Variants in OR2T1 observed in about 807,000 individuals in gnomAD.
OR2T1 encodes olfactory receptor family 2 subfamily T member 1.
For synonymous variants in OR2T1, 186 were observed against 145.4 expected, an observed-to-expected ratio of 1.28 and a Z score of -2.01; for missense variants, 440 against 390.2, an observed-to-expected ratio of 1.13 and a Z score of -1.07.
At position 248,406,728 on chromosome 1, in the gene OR2T1, A is replaced by G. The variant is rs1661568729; in HGVS notation, c.581A>G (p.Tyr194Cys). 6.2e-7 allele frequency: 1 copy of G among 1,614,082 alleles called. No individual in the cohort carries two copies. The highest frequency in any genetic ancestry group is 8.5e-7 in the Non-Finnish European group (1 of 1,179,978). Residue 194 changes from tyrosine to cysteine, a missense_variant, in exon 2 of 2, where the codon TAC (tyrosine) becomes TGC (cysteine). Physicochemically the swap from Tyr to Cys is radical, Grantham distance 194 (BLOSUM62 -2). Transcript: ENST00000642005. ...LKLACADTAL[Y>C]ETVMYVCCVL... ...TTGGCATGTGCAGACACAGCCCTCT[A>G]CGAGACAGTGATGTATGTGTGCTGT...
chr1:248,405,359 C>G lies in OR2T1; in HGVS notation c.-33-756C>G, dbSNP rs541554282. Among the ~76,000 whole-genome samples the G allele has an allele frequency of 1.2e-4, 19 of 152,230 alleles. No individual in the cohort carries two copies. The South Asian group carries it at 3.9e-3, about 32-fold the overall frequency. On this transcript the variant is annotated intron_variant, in intron 1 of 1. Transcript: ENST00000642005. ...GTGAATTATAGCTCAATGTTTACGT[C>G]CCTGTGGTATTTCCTCTGAATATTA...
rs760595430 is a variant in OR2T1, at chr1:248,406,679, T to C, written c.532T>C (p.Cys178Arg). The change falls in exon 2 of 2, where the codon TGT (cysteine) becomes CGT (arginine). Residue 178 changes from cysteine to arginine, a missense_variant. Cys to Arg is a radical substitution (Grantham distance 180, BLOSUM62 -3). Transcript: ENST00000642005. The stretch of plus-strand genomic sequence containing the variant: ...TTCCCGGGAGATTAACCACTTCTTC[T>C]GTGAGGCACCAGCAGTCCTGAAGTT... ...CNSREINHFF[C>R]EAPAVLKLAC... is the part of the protein sequence containing the mutation. 1 of 1,614,008 alleles carries C rather than the reference T, an allele frequency of 6.2e-7. No individual in the cohort carries two copies. The highest frequency in any genetic ancestry group is 8.5e-7 in the Non-Finnish European group (1 of 1,180,002).
Position 248,407,671 on chromosome 1 carries a change from T to C in OR2T1, c.*567T>C, listed in dbSNP as rs756285765. ...CCAAAAGGAGAGGACAGAAAACTTC[T>C]GGACAGCTAAACTCATGAAGCTGAA... On this transcript the variant is annotated 3_prime_UTR_variant, in exon 2 of 2. Transcript: ENST00000642005. 6.6e-6 allele frequency: 1 copy of C among 152,392 alleles called. No individual in the cohort carries two copies. Among genetic ancestry groups the C allele is most frequent in the Admixed American group, 6.5e-5 (1 of 15,282 alleles). The allele number at this position is 152,392 out of a possible 1,614,324, so 9.4% of individuals were successfully genotyped here. A position where few individuals can be genotyped will look rare whatever the true frequency, so the allele number is the denominator to read the frequency against.
Position 248,406,897 on chromosome 1 carries a change from C to T in OR2T1, c.750C>T (p.Phe250=), listed in dbSNP as rs1661573877. 1.1e-5 allele frequency: 18 copies of T among 1,613,938 alleles called. No individual in the cohort carries two copies. The highest frequency in any genetic ancestry group is 1.7e-5 in the Admixed American group (1 of 59,996). The part of the protein sequence containing the change: ...CSSHMTVVSL[F]YGAAMYTYML... ...CCCACATGACTGTGGTGTCCTTGTT[C>T]TACGGGGCTGCCATGTACACCTACA... The change falls in exon 2 of 2, where the codon TTC becomes TTT. Residue 250 remains phenylalanine (F), a synonymous_variant. Transcript: ENST00000642005.
Position 248,407,812 on chromosome 1 carries a change from G to GT in OR2T1, c.*711dup, listed in dbSNP as rs1661602143. 1 of 152,226 alleles carries GT rather than the reference G, an allele frequency of 6.6e-6. No homozygotes were observed. The highest frequency in any genetic ancestry group is 2.4e-5 in the African/African-American group (1 of 41,442). The allele number at this position is 152,226 out of a possible 1,614,324, so 9.4% of individuals were successfully genotyped here. ...ACCCTCTGTGTCTTTTCATCTGACT[G>GT]TTTCTGTGTATCCTTTGTAATATCA... is the stretch of plus-strand genomic sequence containing the variant. On this transcript the variant is annotated 3_prime_UTR_variant, in exon 2 of 2. Transcript: ENST00000642005.
At position 248,407,113 on chromosome 1, in the gene OR2T1, T is replaced by G. The variant is rs778679352; in HGVS notation, c.*9T>G. 5 of 1,558,176 alleles carry G rather than the reference T, an allele frequency of 3.2e-6. No homozygotes were observed. Among genetic ancestry groups the G allele is most frequent in the Non-Finnish European group, 8.7e-7 (1 of 1,154,586 alleles). On this transcript the variant is annotated 3_prime_UTR_variant, in exon 2 of 2. Transcript: ENST00000642005. ...CAGGAGGTGTCTTTTGACAGTCGAC[T>G]CCTTCCCATGCATATGGTAAATGGG...
chr1:248,407,172 A>T lies in OR2T1; in HGVS notation c.*68A>T, dbSNP rs911999860. On this transcript the variant is annotated 3_prime_UTR_variant, in exon 2 of 2. Coordinates refer to ENST00000642005, the MANE Select transcript of OR2T1 (RefSeq NM_030904.2). ...TGGTCACTGTGGCTGTGCTTTCATC[A>T]AAAGATGAAGCAAAAAGGGAGGGAG... 57 of 1,446,198 alleles carry T rather than the reference A, an allele frequency of 3.9e-5. No individual in the cohort carries two copies. The highest frequency in any genetic ancestry group is 5.1e-5 in the Non-Finnish European group (55 of 1,073,018). 89.6% of individuals were successfully genotyped at this position (1,446,198 alleles called of 1,614,324 possible). A position where few individuals can be genotyped will look rare whatever the true frequency, so the allele number is the denominator to read the frequency against.
At chr1:248,404,477 A>G (rs966742679) in intron 1 of OR2T1, among the ~76,000 whole-genome samples, 3 of 150,656 alleles carry the variant, frequency 2.0e-5, no homozygotes, top group South Asian at 2.1e-4. Flanking sequence ...AGTAATGATG[A>G]CATTGTACAT....
intron 1 of OR2T1, 24 bp from the exon 2 acceptor site, chr1:248,406,091 G>A: frequency 2.5e-6 from 4 of 1,613,970 alleles, no homozygotes; most frequent in Non-Finnish European, 3.4e-6. Flanking sequence ...ACTGCCCTGG[G>A]AATGCTATCA....
At position 248,403,106 on chromosome 1, in the gene OR2T1, G is replaced by A. The variant is rs189781186; in HGVS notation, c.-173G>A. 7.9e-5 allele frequency: 12 copies of A among 152,180 alleles called. No homozygotes were observed. Among genetic ancestry groups the A allele is most frequent in the Admixed American group, 4.6e-4 (7 of 15,252 alleles). 9.4% of individuals were successfully genotyped at this position (152,180 alleles called of 1,614,324 possible). On this transcript the variant is annotated 5_prime_UTR_variant, in exon 1 of 2. It removes an upstream start codon present in the reference 5' UTR. Transcript: ENST00000642005. ...GATGTTCTGCAAGCTTAATTGAAATGCACAGTTTTTTCTGAGAATTTCTAC... is the reference window on the plus strand; with the variant it reads ...GATGTTCTGCAAGCTTAATTGAAATACACAGTTTTTTCTGAGAATTTCTAC...
At position 248,404,546 on chromosome 1, in the gene OR2T1, T is replaced by TTATATATATATATATATATATATA. The variant is rs1224274738; in HGVS notation, c.-34+1315_-34+1316insTATATATATATATATATATATATA. ...ATATTCTGAATTAGCAAAATATACA[T>TTATATATATATATATATATATATA]TATATATATATATAAAATATACATA... On this transcript the variant is annotated intron_variant, in intron 1 of 1. Coordinates refer to ENST00000642005, the MANE Select transcript of OR2T1 (RefSeq NM_030904.2). Among the ~76,000 whole-genome samples the TTATATATATATATATATATATATA allele has an allele frequency of 3.9e-3, 532 of 135,012 alleles. 7 individuals carry two copies. Among genetic ancestry groups the TTATATATATATATATATATATATA allele is most frequent in the Non-Finnish European group, 5.0e-3 (307 of 61,732 alleles). The allele number at this position is 135,012 out of a possible 152,430, so 88.6% of individuals were successfully genotyped here.
Position 248,406,256 on chromosome 1 carries a change from G to T in OR2T1, c.109G>T (p.Ala37Ser), listed in dbSNP as rs368518017. 7 of 1,614,040 alleles carry T rather than the reference G, an allele frequency of 4.3e-6. No homozygotes were observed. The highest frequency in any genetic ancestry group is 1.7e-4 in the Middle Eastern group (1 of 6,060). Residue 37 changes from alanine (A) to serine (S), a missense_variant, in exon 2 of 2, where the codon GCA (alanine) becomes TCA (serine). Transcript: ENST00000642005. ...FAIISIIFFT[A>S]LMANGVMIFL... ...CATCATCTCTATCATCTTCTTCACC[G>T]CACTGATGGCCAATGGGGTTATGAT... is the stretch of plus-strand genomic sequence containing the variant.
rs1661603695 is a variant in OR2T1 at position 248,407,852 on chromosome 1, T to C, written c.*748T>C. On this transcript the variant is annotated 3_prime_UTR_variant, in exon 2 of 2. Coordinates refer to ENST00000642005, the MANE Select transcript of OR2T1 (RefSeq NM_030904.2). ...TTGTAATATCATTTATAACAAGTGG[T>C]AAACATAGGTAAGTGTTTCCTTGAA... The C allele has an allele frequency of 6.6e-6, 1 of 151,978 alleles. No homozygotes were observed. The highest frequency in any genetic ancestry group is 6.6e-5 in the Admixed American group (1 of 15,184). The allele number at this position is 151,978 out of a possible 1,614,324, so 9.4% of individuals were successfully genotyped here. A position where few individuals can be genotyped will look rare whatever the true frequency, so the allele number is the denominator to read the frequency against.
At chr1:248,406,062 A>T (rs1440625606) in intron 1 of OR2T1, 53 bp from the exon 2 acceptor site, 7 of 1,613,332 alleles carry the variant, frequency 4.3e-6, no homozygotes. Context: ...CTAACAATTA[A>T]TTCACATGTT....
intron 1 of OR2T1, among the ~76,000 whole-genome samples, chr1:248,404,227 G>GC (rs1661501632): frequency 2.4e-5 from 1 of 40,818 alleles, no homozygotes; most frequent in Non-Finnish European, 6.1e-5. Context: ...ATGGGAGTAA[G>GC]GGTGAACAGA....
At chr1:248,404,769 C>T (rs186945368) in intron 1 of OR2T1, among the ~76,000 whole-genome samples, 39 of 152,050 alleles carry the variant, frequency 2.6e-4, no homozygotes, top group African/African-American at 9.2e-4. Flanking sequence ...TTGCTAATTA[C>T]AGTAAATGTC....
Position 248,407,189 on chromosome 1 carries a change from G to A in OR2T1, c.*85G>A. On this transcript the variant is annotated 3_prime_UTR_variant, in exon 2 of 2. Coordinates refer to ENST00000642005, the MANE Select transcript of OR2T1 (RefSeq NM_030904.2). The stretch of plus-strand genomic sequence containing the variant: ...CTTTCATCAAAAGATGAAGCAAAAA[G>A]GGAGGGAGTCATATGATTACAATAT... The A allele has an allele frequency of 7.6e-7, 1 of 1,321,372 alleles. No homozygotes were observed. The highest frequency in any genetic ancestry group is 1.0e-6 in the Non-Finnish European group (1 of 960,714). The allele number at this position is 1,321,372 out of a possible 1,614,324, so 81.9% of individuals were successfully genotyped here. A position where few individuals can be genotyped will look rare whatever the true frequency, so the allele number is the denominator to read the frequency against.
intron 1 of OR2T1, among the ~76,000 whole-genome samples, chr1:248,404,701 C>T (rs888097340): frequency 1.5e-4 from 23 of 151,966 alleles, no homozygotes; most frequent in African/African-American, 5.5e-4. Context: ...TTTCATTAGT[C>T]ACATTAGTTA....
In OR2T1 at chr1:248,403,175, A is replaced by G. The variant is rs1661467288; in HGVS notation, c.-104A>G. The G allele has an allele frequency of 6.6e-6, 1 of 152,158 alleles. No individual in the cohort carries two copies. The highest frequency in any genetic ancestry group is 2.4e-5 in the African/African-American group (1 of 41,444). 9.4% of individuals were successfully genotyped at this position (152,158 alleles called of 1,614,324 possible). On this transcript the variant is annotated 5_prime_UTR_variant, in exon 1 of 2. Transcript: ENST00000642005. ...AGTCAAAGGATACTTGGGGGAAAAG[A>G]TAGACTTTAACTGCTGATGTAACTT...
Sources: gnomAD v4.1 joint callset for allele counts (sites outside exome capture counted in the v4.1 genomes callset) on GRCh38, gnomAD v4.1.1 for gene constraint, MANE v1.5 for transcripts, NCBI Gene and HGNC (gene_info 2026-07-23, HGNC 2026-07-21) for gene names.